The following ASB2 variants were observed in gnomAD, a reference collection of about 807,000 sequenced individuals.
ASB2 encodes the protein ankyrin repeat and SOCS box containing 2, also known as ankyrin repeat and SOCS box protein 2.
In ASB2, 58 loss-of-function variants were observed where a neutral mutation model predicts 62.4. That is an observed-to-expected ratio of 0.93 (90% CI 0.75 to 1.16). The LOEUF is 1.16. ASB2 is among the 50% of genes most tolerant of loss of function. The probability of loss-of-function intolerance (pLI) is 0.00; values close to 1 mark genes in which losing one functional copy is unlikely to be tolerated. For synonymous variants in ASB2, 386 were observed against 385.3 expected (o/e 1.00, Z -0.02); for missense variants, 928 against 887.9 (o/e 1.05, Z -0.57).
At position 93,939,558 on chromosome 14, in the gene ASB2, C is replaced by T; in HGVS notation, c.1167G>A (p.Leu389=). The T allele has an allele frequency of 6.3e-7, 1 of 1,595,062 alleles. No homozygotes were observed. The highest frequency in any genetic ancestry group is 8.5e-7 in the Non-Finnish European group (1 of 1,173,098). Residue 389 remains leucine, a synonymous_variant, in exon 8 of 10, where the codon CTG becomes CTA. Transcript: ENST00000555019. Reference sequence around the variant, plus strand: ...GCGTGTTCACGTCGAAGCGCGCGCTCAGCAGCGCCTCCAGCACCTCGTCGT... The same window carrying T: ...GCGTGTTCACGTCGAAGCGCGCGCTTAGCAGCGCCTCCAGCACCTCGTCGT... ...RNHDEVLEAL[L]SARFDVNTPL... is the part of the protein sequence containing the mutation.
rs1235794876 is a variant in ASB2 at position 93,955,143 on chromosome 14, T to G, written c.312-660A>C. On this transcript the variant is annotated intron_variant, in intron 3 of 9. Coordinates refer to ENST00000555019, the MANE Select transcript of ASB2 (RefSeq NM_001202429.2). ...GAGAGTCCGTGAGAACCACGATGTC[T>G]ATGCCTCTCAGATCCACTTTTGGGG... is the stretch of plus-strand genomic sequence containing the variant. 1.8e-5 allele frequency: 8 copies of G among 456,648 alleles called. No homozygotes were observed. In the Admixed American group the frequency reaches 1.9e-4, roughly 11 times the overall value. 28.3% of individuals were successfully genotyped at this position (456,648 alleles called of 1,614,324 possible). A position where few individuals can be genotyped will look rare whatever the true frequency, so the allele number is the denominator to read the frequency against.
In ASB2 at chr14:93,934,588, G is replaced by A. The variant is rs1280330415; in HGVS notation, c.*68C>T. The A allele has an allele frequency of 6.4e-7, 1 of 1,552,646 alleles. No homozygotes were observed. On this transcript the variant is annotated 3_prime_UTR_variant, in exon 10 of 10. Coordinates refer to ENST00000555019, the MANE Select transcript of ASB2 (RefSeq NM_001202429.2). Reference sequence around the variant, plus strand: ...TGTCACCAGGTCCCCTTGGAGTTGGGAACACCGACGTCCTGAGACTTAGTA... The same window carrying A: ...TGTCACCAGGTCCCCTTGGAGTTGGAAACACCGACGTCCTGAGACTTAGTA...
Position 93,939,515 on chromosome 14 carries a change from C to A in ASB2, c.1210G>T (p.Ala404Ser). Reference protein sequence around the residue: ...DVNTPLAPERARLYEDRRSSA... With the variant: ...DVNTPLAPERSRLYEDRRSSA... ...CTGCGCCGGTCTTCGTAGAGGCGCG[C>A]GCGCTCGGGGGCCAGCGGCGTGTTC... Residue 404 changes from alanine to serine, a missense_variant, in exon 8 of 10, where the codon GCG (alanine) becomes TCG (serine). By Grantham distance (99) the Ala-to-Ser change is moderately conservative. Coordinates refer to ENST00000555019, the MANE Select transcript of ASB2 (RefSeq NM_001202429.2). 1 of 1,606,794 alleles carries A rather than the reference C, an allele frequency of 6.2e-7. No individual in the cohort carries two copies. The highest frequency in any genetic ancestry group is 1.3e-5 in the African/African-American group (1 of 74,614).
chr14:93,964,599 C>T lies in ASB2; in HGVS notation c.-60G>A, dbSNP rs1889526993. The T allele has an allele frequency of 8.1e-6, 12 of 1,485,406 alleles. No homozygotes were observed. The East Asian group carries it at 3.0e-4, about 37-fold the overall frequency. 92.0% of individuals were successfully genotyped at this position (1,485,406 alleles called of 1,614,324 possible). On this transcript the variant is annotated 5_prime_UTR_variant, in exon 2 of 10. Coordinates refer to ENST00000555019, the MANE Select transcript of ASB2 (RefSeq NM_001202429.2). The stretch of plus-strand genomic sequence containing the variant: ...ACACCCAGTGGGGAGGAGGGAACAG[C>T]AAATCAGAAAACCCTGTGAGGAAAC...
At chr14:93,970,734 C>T (rs990968717) in intron 1 of ASB2, among the ~76,000 whole-genome samples, 3 of 152,108 alleles carry the variant, frequency 2.0e-5, no homozygotes, top group Admixed American at 6.5e-5. Context: ...TGGCACGGCC[C>T]GAGTGCCCCA....
intron 4 of ASB2, 105 bp from the exon 5 acceptor site, chr14:93,953,612 CCTCTGAAAT>C: frequency 9.6e-6 from 10 of 1,036,904 alleles, no homozygotes; most frequent in Non-Finnish European, 1.3e-5. Flanking sequence ...TGTATGACAT[CCTCTGAAAT>C]TTACCAACTA....
At chr14:93,953,251 C>T in intron 5 of ASB2, 101 bp downstream of exon 5, 1 of 1,051,094 alleles carries the variant, frequency 9.5e-7, no homozygotes, top group Admixed American at 2.6e-5. Flanking sequence ...TGAGCAGGGC[C>T]ACGTTGGGGG....
chr14:93,956,822 C>T lies in ASB2; in HGVS notation c.255G>A (p.Leu85=), dbSNP rs753264787. The T allele has an allele frequency of 2.5e-6, 4 of 1,614,098 alleles. No individual in the cohort carries two copies. Among genetic ancestry groups the T allele is most frequent in the East Asian group, 2.2e-5 (1 of 44,890 alleles). ...ESSPARAPMG[L]FQGVMQKYSS... Reference sequence around the variant, plus strand: ...TGTATTTCTGCATGACCCCTTGGAACAAGCCCATTGGGGCCCGGGCCGGCG... The same window carrying T: ...TGTATTTCTGCATGACCCCTTGGAATAAGCCCATTGGGGCCCGGGCCGGCG... The change falls in exon 3 of 10, where the codon TTG becomes TTA. Residue 85 remains leucine (L), a synonymous_variant. Transcript: ENST00000555019.
Position 93,939,251 on chromosome 14 carries a change from G to A in ASB2, c.1474C>T (p.Leu492Phe). The A allele has an allele frequency of 6.2e-7, 1 of 1,609,714 alleles. No homozygotes were observed. The highest frequency in any genetic ancestry group is 1.3e-5 in the African/African-American group (1 of 74,980). ...IMFAMKCLSL[L>F]KFLMDLGCDG... Reference sequence around the variant, plus strand: ...CAGCCCAGGTCCATGAGGAACTTGAGCAGCGACAGGCACTTCATGGCGAAC... The same window carrying A: ...CAGCCCAGGTCCATGAGGAACTTGAACAGCGACAGGCACTTCATGGCGAAC... Residue 492 changes from leucine (L) to phenylalanine (F), a missense_variant, in exon 8 of 10, where the codon CTC becomes TTC. Coordinates refer to ENST00000555019, the MANE Select transcript of ASB2 (RefSeq NM_001202429.2).
intron 7 of ASB2, among the ~76,000 whole-genome samples, chr14:93,940,708 A>G (rs1888485540): frequency 6.6e-6 from 1 of 152,192 alleles, no homozygotes; most frequent in Admixed American, 6.5e-5. Context: ...GCTCCCTGCA[A>G]CCACCAGTTC....
intron 1 of ASB2, among the ~76,000 whole-genome samples, chr14:93,972,481 T>C (rs1399641127): frequency 6.6e-6 from 1 of 152,154 alleles, no homozygotes; most frequent in Non-Finnish European, 1.5e-5. Context: ...GTTGCCTCAT[T>C]TTACTTTTTC....
At chr14:93,947,598 G>A in intron 6 of ASB2, 78 bp from the exon 7 acceptor site, 2 of 1,481,010 alleles carry the variant, frequency 1.4e-6, no homozygotes, top group Non-Finnish European at 1.9e-6. Context: ...ACCGCGTGGT[G>A]GGCCTGCTGT....
At chr14:93,938,491 C>T (rs1888364033) in intron 8 of ASB2, among the ~76,000 whole-genome samples, 1 of 152,056 alleles carries the variant, frequency 6.6e-6, no homozygotes, top group African/African-American at 2.4e-5. Flanking sequence ...CCGCCGGCCT[C>T]GGCCTCCCAA....
chr14:93,957,274 C>G, intron 2 of ASB2: 1 of 1,135,162 alleles, frequency 8.8e-7, no homozygotes, highest in South Asian at 2.8e-5. Flanking sequence ...CAGGCAGATC[C>G]CTGCGGGGCT....
intron 2 of ASB2, among the ~76,000 whole-genome samples, chr14:93,963,812 AT>A (rs1889488576): frequency 6.6e-6 from 1 of 152,194 alleles, no homozygotes; most frequent in Non-Finnish European, 1.5e-5. Context: ...GCATCCGTGC[AT>A]TGCAGTTGTG....
At chr14:93,946,297 A>T (rs1351705639) in intron 7 of ASB2, among the ~76,000 whole-genome samples, 2 of 152,230 alleles carry the variant, frequency 1.3e-5, no homozygotes, top group African/African-American at 4.8e-5. Flanking sequence ...TGAGGCTCAC[A>T]TGGGAGGCAG....
intron 8 of ASB2, 31 bp downstream of exon 8, chr14:93,939,077 G>T: frequency 1.4e-6 from 2 of 1,429,160 alleles, no homozygotes; most frequent in Non-Finnish European, 1.8e-6. Flanking sequence ...CCCAAAAGGC[G>T]TGCTCCCCAC....
At chr14:93,955,184 T>C (rs1889137987) in intron 3 of ASB2, 2 of 456,490 alleles carry the variant, frequency 4.4e-6, no homozygotes, top group East Asian at 7.0e-5. Context: ...TCTGCATCAA[T>C]AGTCCCATTT....
At position 93,947,473 on chromosome 14, in the gene ASB2, C is replaced by G; in HGVS notation, c.928G>C (p.Glu310Gln). Residue 310 changes from glutamate to glutamine, a missense_variant, in exon 7 of 10, where the codon GAG (glutamate) becomes CAG (glutamine). By Grantham distance (29) the Glu-to-Gln change is conservative. Coordinates refer to ENST00000555019, the MANE Select transcript of ASB2 (RefSeq NM_001202429.2). ...QASDNASALYEACKNEHEEVV... is the reference protein window; with the variant it reads ...QASDNASALYQACKNEHEEVV... ...TCCTCATGCTCATTCTTGCAGGCCT[C>G]GTAGAGGGCAGACGCGTTGTCGCTG... 6.2e-7 allele frequency: 1 copy of G among 1,614,228 alleles called. No individual in the cohort carries two copies. Among genetic ancestry groups the G allele is most frequent in the South Asian group, 1.1e-5 (1 of 91,090 alleles).
Sources: allele counts gnomAD v4.1 joint callset (sites outside exome capture counted in the v4.1 genomes callset), GRCh38; gene constraint gnomAD v4.1.1; transcripts MANE v1.5; gene names NCBI Gene and HGNC (gene_info 2026-07-23, HGNC 2026-07-21).